ATP13A3: variants seen among roughly 807,000 people sequenced by gnomAD.
ATP13A3 encodes ATPase 13A3.
ATP13A3 carries 59 observed loss-of-function variants against 158.1 expected under a neutral mutation model. The observed-to-expected ratio is 0.37, with a 90% CI of 0.30 to 0.46. ATP13A3 has a LOEUF of 0.46. ATP13A3 is among the 20% of genes least tolerant of loss of function. The pLI is 1.00. For synonymous variants in ATP13A3, 491 were observed against 504.3 expected (o/e 0.97, Z 0.35); for missense variants, 1,166 against 1,525.2 (o/e 0.76, Z 3.92).
chr3:194,456,373 G>C (rs1719228271), intron 7 of ATP13A3, among the ~76,000 whole-genome samples: 1 of 151,088 alleles, frequency 6.6e-6, no homozygotes, highest in South Asian at 2.1e-4. Flanking sequence ...TCAAAACATT[G>C]TACATTCGAC....
intron 33 of ATP13A3, among the ~76,000 whole-genome samples, chr3:194,411,299 A>C (rs1715410471): frequency 6.6e-6 from 1 of 152,176 alleles, no homozygotes. Context: ...CTTCAACTCC[A>C]CCAGCTTCCT....
In ATP13A3 at chr3:194,455,765, C is replaced by T. The variant is rs536271099; in HGVS notation, c.630+128G>A. On this transcript the variant is annotated intron_variant, in intron 8 of 33. Transcript: ENST00000645319. The stretch of plus-strand genomic sequence containing the variant: ...CCAGAGTAAATGTCTTCCGTCTTTA[C>T]CTTCCAAGTAAAAATATGAAAAAGA... 48 of 662,074 alleles carry T rather than the reference C, an allele frequency of 7.2e-5. 1 individual carries two copies. The East Asian group carries it at 1.1e-3, about 15-fold the overall frequency. 41.0% of individuals were successfully genotyped at this position (662,074 alleles called of 1,614,324 possible). A position where few individuals can be genotyped will look rare whatever the true frequency, so the allele number is the denominator to read the frequency against.
intron 13 of ATP13A3, 115 bp from the exon 14 acceptor site, chr3:194,447,230 GTA>G: frequency 2.4e-6 from 2 of 818,530 alleles, no homozygotes; most frequent in East Asian, 5.4e-5. Context: ...TCAATTTTAT[GTA>G]TGTGTGTGTA....
At chr3:194,471,767 CAT>C (rs1422284777) in intron 2 of ATP13A3, among the ~76,000 whole-genome samples, 1 of 151,798 alleles carries the variant, frequency 6.6e-6, no homozygotes, top group African/African-American at 2.4e-5. Context: ...AACAAACAAA[CAT>C]AAATGAAAAC....
At chr3:194,447,568 G>GT (rs983781002) in intron 13 of ATP13A3, among the ~76,000 whole-genome samples, 11 of 149,882 alleles carry the variant, frequency 7.3e-5, no homozygotes, top group Admixed American at 2.6e-4. Context: ...ATGTGGGGGG[G>GT]TTTTTTTTCC....
intron 13 of ATP13A3, 84 bp downstream of exon 13, chr3:194,447,768 T>A (rs1312617161): frequency 2.4e-6 from 3 of 1,260,844 alleles, no homozygotes; most frequent in Non-Finnish European, 3.3e-6. Flanking sequence ...TTCCTCATTC[T>A]CAGTAGCCAC....
chr3:194,427,354 C>T, intron 28 of ATP13A3, 102 bp from the exon 29 acceptor site: 1 of 1,048,614 alleles, frequency 9.5e-7, no homozygotes, highest in South Asian at 1.9e-5. Flanking sequence ...TTTGTTTTTG[C>T]CTAACAATTC....
At chr3:194,415,939 G>A (rs894124751) in intron 31 of ATP13A3, among the ~76,000 whole-genome samples, 10 of 152,018 alleles carry the variant, frequency 6.6e-5, no homozygotes, top group African/African-American at 1.2e-4. Context: ...AAACCTGTCC[G>A]TAACATACAA....
At chr3:194,471,303 G>C (rs1259703727) in intron 2 of ATP13A3, among the ~76,000 whole-genome samples, 1 of 130,468 alleles carries the variant, frequency 7.7e-6, no homozygotes, top group African/African-American at 2.9e-5. Context: ...CTATAATACA[G>C]CGTTAAGTAG....
At chr3:194,445,143 T>G (rs1718318647) in intron 14 of ATP13A3, among the ~76,000 whole-genome samples, 1 of 151,882 alleles carries the variant, frequency 6.6e-6, no homozygotes, top group Non-Finnish European at 1.5e-5. Context: ...AAAGGAAGGA[T>G]TACTGTATAA....
intron 6 of ATP13A3, among the ~76,000 whole-genome samples, chr3:194,457,459 T>C (rs920302494): frequency 1.3e-5 from 2 of 152,220 alleles, no homozygotes; most frequent in Non-Finnish European, 2.9e-5. Context: ...ATAATATCAT[T>C]ATCCTTAAGA....
At chr3:194,426,218 G>A (rs73071107) in intron 29 of ATP13A3, among the ~76,000 whole-genome samples, 2,529 of 151,506 alleles carry the variant, frequency 0.017, 78 homozygotes, top group African/African-American at 0.058. Context: ...GTGTTTCTAC[G>A]CACATATAAA....
chr3:194,494,283 G>A lies in ATP13A3; in HGVS notation n.516-3C>T, dbSNP rs941973148. On this transcript the variant is annotated splice_region_variant and splice_polypyrimidine_tract_variant and intron_variant and non_coding_transcript_variant, in intron 1 of 32. Coordinates refer to the ATP13A3 transcript ENST00000687055. This position sits in a 1 kb window ranked among gnomAD's most constrained non-coding sequence, Gnocchi z 4.2. ...CACAGCGGTAGTCAGAAAGTATGCT[G>A]AGTAAGTGGAGAACAAGTTAACATT... 3.8e-5 allele frequency: 15 copies of A among 398,492 alleles called. No homozygotes were observed. Among genetic ancestry groups the A allele is most frequent in the African/African-American group, 6.2e-5 (3 of 48,596 alleles). The allele number at this position is 398,492 out of a possible 1,614,324, so 24.7% of individuals were successfully genotyped here. A position where few individuals can be genotyped will look rare whatever the true frequency, so the allele number is the denominator to read the frequency against.
Position 194,433,786 on chromosome 3 carries a change from G to A in ATP13A3, c.2231C>T (p.Thr744Ile). ...LEDLHKANIR[T>I]VMVTGDSMLT... ...TAAAGTCTAACCTGTGACCATGACG[G>A]TGCGAATGTTGGCTTTATGCAAATC... Residue 744 changes from threonine to isoleucine, a missense_variant, in exon 21 of 34, where the codon ACC (threonine) becomes ATC (isoleucine). Thr to Ile is a moderately conservative substitution (Grantham distance 89, BLOSUM62 -1). Coordinates refer to ENST00000645319, the MANE Select transcript of ATP13A3 (RefSeq NM_001367549.1). The A allele has an allele frequency of 6.2e-7, 1 of 1,614,082 alleles. No individual in the cohort carries two copies. Among genetic ancestry groups the A allele is most frequent in the Non-Finnish European group, 8.5e-7 (1 of 1,179,980 alleles).
At chr3:194,476,169 T>C (rs1472467579) in intron 2 of ATP13A3, among the ~76,000 whole-genome samples, 1 of 152,172 alleles carries the variant, frequency 6.6e-6, no homozygotes, top group African/African-American at 2.4e-5. Flanking sequence ...CTAGCCTGGG[T>C]TGCTGGGCAG....
intron 10 of ATP13A3, 117 bp downstream of exon 10, chr3:194,453,589 T>C (rs1405221387): frequency 2.5e-6 from 2 of 801,248 alleles, no homozygotes; most frequent in East Asian, 2.8e-5. Context: ...ACAGAGACAC[T>C]GACTCAATCA....
At chr3:194,413,626 ATGAATT>A (rs970710200) in intron 32 of ATP13A3, 127 bp downstream of exon 32, 1 of 813,046 alleles carries the variant, frequency 1.2e-6, no homozygotes, top group Admixed American at 2.1e-5. Flanking sequence ...AGAAGGCTAA[ATGAATT>A]TGCCTGAGAT....
At position 194,417,735 on chromosome 3, in the gene ATP13A3, TG is replaced by T. The variant is rs1201965779; in HGVS notation, c.3402+2143del. ...AGGAGGATCACTTGAGCCCAGGAGT[TG>T]GGGGTCAGACTGGGCAACACAGTGA... On this transcript the variant is annotated intron_variant, in intron 31 of 33. Transcript: ENST00000645319. Among the ~76,000 whole-genome samples, 3 of 152,034 alleles carry T rather than the reference TG, an allele frequency of 2.0e-5. No homozygotes were observed. The East Asian group carries it at 5.8e-4, about 29-fold the overall frequency.
chr3:194,477,180 G>A (rs943884489), intron 2 of ATP13A3, among the ~76,000 whole-genome samples: 2 of 152,118 alleles, frequency 1.3e-5, no homozygotes, highest in African/African-American at 2.4e-5. Flanking sequence ...GCTCTTCCAG[G>A]ACCAGCTCAA....
Sources: gnomAD v4.1 joint callset for allele counts (sites outside exome capture counted in the v4.1 genomes callset) on GRCh38, gnomAD v4.1.1 for gene constraint, Gnocchi (gnomAD v3.1) non-coding constraint, MANE v1.5 for transcripts, NCBI Gene and HGNC (gene_info 2026-07-23, HGNC 2026-07-21) for gene names.